The following PACRG variants were observed in gnomAD, a reference collection of about 807,000 sequenced individuals.
PACRG encodes the protein parkin coregulated, also known as parkin coregulated gene protein.
A neutral mutation model predicts 29.7 loss-of-function variants in PACRG; 29 were observed. The ratio of observed to expected loss-of-function variants is 0.98; its 90% confidence interval spans 0.73 to 1.33. The LOEUF is 1.33. Ranked by LOEUF, PACRG falls within the 40% of genes most tolerant of loss-of-function variation. PACRG has a pLI of 0.00. For missense variants in PACRG, 279 were observed against 316.2 expected (o/e 0.88, Z 0.89); for synonymous variants, 116 against 118.7 (o/e 0.98, Z 0.15).
chr6:163,081,472 G>A (rs1486893147), intron 3 of PACRG, among the ~76,000 whole-genome samples: 1 of 152,146 alleles, frequency 6.6e-6, no homozygotes, highest in African/African-American at 2.4e-5. Flanking sequence ...CTTTAAAAAG[G>A]TGAAAAGGCA....
At chr6:162,941,047 C>T (rs538950975) in intron 2 of PACRG, among the ~76,000 whole-genome samples, 1,903 of 40,030 alleles carry the variant, frequency 0.048, 28 homozygotes, top group African/African-American at 0.11. Flanking sequence ...TGTGTTTGTG[C>T]ATGTGTGTGT....
intron 1 of PACRG, among the ~76,000 whole-genome samples, chr6:162,768,675 TAAGTTGATCA>T (rs1353050849): frequency 1.3e-5 from 2 of 152,162 alleles, no homozygotes; most frequent in Non-Finnish European, 2.9e-5. Context: ...CAAGAAAGTC[TAAGTTGATCA>T]AAGTTTTTAT....
At chr6:163,093,192 C>T (rs1814272179) in intron 4 of PACRG, among the ~76,000 whole-genome samples, 1 of 152,164 alleles carries the variant, frequency 6.6e-6, no homozygotes, top group Non-Finnish European at 1.5e-5. Flanking sequence ...CTTTCCAGCA[C>T]AGACAAGGAA....
intron 4 of PACRG, among the ~76,000 whole-genome samples, chr6:163,130,657 T>C (rs1178521562): frequency 1.3e-5 from 2 of 152,224 alleles, no homozygotes; most frequent in South Asian, 2.1e-4. Flanking sequence ...CGTGCCCTTC[T>C]AGCATCATCT....
At chr6:162,992,469 G>T (rs1332082021) in intron 2 of PACRG, among the ~76,000 whole-genome samples, 1 of 149,112 alleles carries the variant, frequency 6.7e-6, no homozygotes, top group Non-Finnish European at 1.5e-5. Flanking sequence ...TTAATCTTGG[G>T]AGAGTGTATG....
intron 2 of PACRG, among the ~76,000 whole-genome samples, chr6:162,962,151 T>A (rs1243100987): frequency 6.6e-6 from 1 of 152,146 alleles, no homozygotes; most frequent in South Asian, 2.1e-4. Flanking sequence ...CTGACACTTA[T>A]GGGCCTCCAC....
At chr6:162,947,257 A>G (rs1191931787) in intron 2 of PACRG, among the ~76,000 whole-genome samples, 3 of 143,330 alleles carry the variant, frequency 2.1e-5, no homozygotes, top group Non-Finnish European at 4.5e-5. Context: ...CATATATCAT[A>G]TATAATCTAT....
At chr6:162,996,267 A>G (rs978092137) in intron 2 of PACRG, among the ~76,000 whole-genome samples, 1 of 152,184 alleles carries the variant, frequency 6.6e-6, no homozygotes, top group African/African-American at 2.4e-5. Flanking sequence ...TATACCCTAA[A>G]TATATACAAT....
At chr6:163,112,120 C>A in intron 4 of PACRG, 2 of 805,952 alleles carry the variant, frequency 2.5e-6, no homozygotes, top group African/African-American at 1.9e-5. Flanking sequence ...GTAAAAAGCA[C>A]CAGGCATCTG....
intron 1 of PACRG, among the ~76,000 whole-genome samples, chr6:162,805,263 T>C (rs1028439764): frequency 2.0e-5 from 3 of 152,044 alleles, no homozygotes; most frequent in Admixed American, 6.6e-5. Flanking sequence ...GTCACGTGGT[T>C]TTTTTGTTTC....
At chr6:163,201,130 G>A (rs187525674) in intron 4 of PACRG, among the ~76,000 whole-genome samples, 39 of 147,424 alleles carry the variant, frequency 2.6e-4, no homozygotes, top group Non-Finnish European at 3.6e-4. Flanking sequence ...GAAAGCTAAC[G>A]AGACGGAAAC....
intron 2 of PACRG, among the ~76,000 whole-genome samples, chr6:162,892,363 G>A (rs918970636): frequency 6.6e-6 from 1 of 152,204 alleles, no homozygotes; most frequent in African/African-American, 2.4e-5. Context: ...AAGACACGTT[G>A]TTCACTGAAT....
At chr6:163,268,090 G>A (rs1012279867) in intron 4 of PACRG, among the ~76,000 whole-genome samples, 4 of 152,196 alleles carry the variant, frequency 2.6e-5, no homozygotes, top group South Asian at 2.1e-4. Flanking sequence ...GCAAAAGTAC[G>A]TTATAGATAC....
chr6:162,820,995 A>C (rs906309578), intron 2 of PACRG, among the ~76,000 whole-genome samples: 3 of 152,238 alleles, frequency 2.0e-5, no homozygotes, highest in African/African-American at 4.8e-5. Flanking sequence ...CAATGAGTGT[A>C]CTATTCTTAA....
chr6:162,775,543 T>C (rs746315320), intron 1 of PACRG, among the ~76,000 whole-genome samples: 8 of 152,242 alleles, frequency 5.3e-5, no homozygotes, highest in Admixed American at 5.2e-4. Context: ...TAAGTAATTA[T>C]GTAATTTGTC....
At position 162,801,212 on chromosome 6, in the gene PACRG, A is replaced by G. The variant is rs536598665; in HGVS notation, c.157-12935A>G. Among the ~76,000 whole-genome samples, 417 of 152,194 alleles carry G rather than the reference A, an allele frequency of 2.7e-3. 1 individual carries two copies. Among genetic ancestry groups the G allele is most frequent in the African/African-American group, 9.6e-3 (397 of 41,520 alleles). On this transcript the variant is annotated intron_variant, in intron 1 of 4. Transcript: ENST00000366888. ...GCAACTCCACTTCCTGAGTTCAAGC[A>G]ATTCTCCTGCCTCAGCCTCCCGAGT...
intron 2 of PACRG, among the ~76,000 whole-genome samples, chr6:162,833,728 T>C (rs1270106437): frequency 1.3e-5 from 2 of 152,148 alleles, no homozygotes; most frequent in Non-Finnish European, 1.5e-5. Flanking sequence ...AAATATGTAC[T>C]TAAAAAAACC....
chr6:163,236,696 C>T (rs781257195), intron 4 of PACRG, among the ~76,000 whole-genome samples: 1 of 152,162 alleles, frequency 6.6e-6, no homozygotes, highest in Admixed American at 6.5e-5. Flanking sequence ...TTTGCCACTT[C>T]GTTTTAGTGG....
intron 2 of PACRG, among the ~76,000 whole-genome samples, chr6:163,021,786 G>T (rs1379437050): frequency 6.6e-6 from 1 of 152,078 alleles, no homozygotes; most frequent in African/African-American, 2.4e-5. Flanking sequence ...TTCCATCATG[G>T]TCCCCTGCCT....
Sources: allele counts gnomAD v4.1 joint callset (sites outside exome capture counted in the v4.1 genomes callset), GRCh38; gene constraint gnomAD v4.1.1; transcripts MANE v1.5; gene names NCBI Gene and HGNC (gene_info 2026-07-23, HGNC 2026-07-21).